NDC80: variants seen among roughly 807,000 people sequenced by gnomAD.
NDC80 encodes the protein kinetochore protein NDC80 homolog.
NDC80 carries 69 observed loss-of-function variants against 89.3 expected under a neutral mutation model. That is an observed-to-expected ratio of 0.77 (90% CI 0.64 to 0.94). The LOEUF (loss-of-function observed/expected upper bound fraction) is 0.94. NDC80 is among the 40% of genes least tolerant of loss of function. NDC80 has a pLI of 0.00. For missense variants in NDC80, 593 were observed against 739.6 expected, an observed-to-expected ratio of 0.80 and a Z score of 2.30; for synonymous variants, 243 against 255.6, an observed-to-expected ratio of 0.95 and a Z score of 0.47.
At chr18:2,593,788 C>T in intron 10 of NDC80, 1 of 247,818 alleles carries the variant, frequency 4.0e-6, no homozygotes, top group South Asian at 5.5e-5. Context: ...TTCCTACAAT[C>T]CACTTATTTG....
chr18:2,601,798 C>T (rs2072685556), intron 13 of NDC80, among the ~76,000 whole-genome samples: 1 of 151,946 alleles, frequency 6.6e-6, no homozygotes, highest in Non-Finnish European at 1.5e-5. Flanking sequence ...AAGTGGCTAC[C>T]TTGAAAGTAG....
chr18:2,598,212 G>T (rs551953384), intron 11 of NDC80, among the ~76,000 whole-genome samples: 1 of 152,104 alleles, frequency 6.6e-6, no homozygotes, highest in Non-Finnish European at 1.5e-5. Flanking sequence ...TTTTATGGAT[G>T]GGTAATAACA....
intron 3 of NDC80, among the ~76,000 whole-genome samples, chr18:2,575,891 C>T (rs1162915313): frequency 6.6e-6 from 1 of 152,204 alleles, no homozygotes; most frequent in Non-Finnish European, 1.5e-5. Context: ...TACCACTGAA[C>T]TCCACCTTGG....
In NDC80 at chr18:2,577,840, A is replaced by G; in HGVS notation, c.274A>G (p.Ile92Val). Residue 92 changes from isoleucine to valine, a missense_variant, in exon 4 of 17, where the codon ATT becomes GTT. Ile to Val is a conservative substitution (Grantham distance 29). Transcript: ENST00000261597. ...GAGACCACTTAATGACAAAGCATTC[A>G]TTCAGCAGTGTATTCGACAACTCTG... ...DPRPLNDKAFIQQCIRQLCEF... is the reference protein window; with the variant it reads ...DPRPLNDKAFVQQCIRQLCEF... 1.2e-6 allele frequency: 2 copies of G among 1,614,164 alleles called. No homozygotes were observed. Among genetic ancestry groups the G allele is most frequent in the South Asian group, 1.1e-5 (1 of 91,086 alleles).
chr18:2,610,325 ACTT>A (rs1167007351), intron 15 of NDC80, among the ~76,000 whole-genome samples: 1 of 152,060 alleles, frequency 6.6e-6, no homozygotes, highest in Non-Finnish European at 1.5e-5. Context: ...ATTTCTCTTC[ACTT>A]CTTTATTTGT....
rs181575869 is a variant in NDC80, at chr18:2,574,783, C to G, written c.102-206C>G. Among the ~76,000 whole-genome samples the G allele has an allele frequency of 3.0e-4, 45 of 152,192 alleles. 1 individual carries two copies. In the East Asian group the frequency reaches 8.5e-3, roughly 29 times the overall value. ...ACACCAGAGGGACCTCTGCTGGTCC[C>G]CCAACATTACAAGCATTATAACTTA... On this transcript the variant is annotated intron_variant, in intron 2 of 16. Transcript: ENST00000261597.
chr18:2,579,061 TG>T, intron 6 of NDC80, 32 bp downstream of exon 6: 1 of 1,326,472 alleles, frequency 7.5e-7, no homozygotes, highest in South Asian at 1.6e-5. Flanking sequence ...AATGTATACA[TG>T]GGAAAGGGTT....
intron 9 of NDC80, among the ~76,000 whole-genome samples, chr18:2,589,601 A>C (rs1449513082): frequency 2.0e-5 from 3 of 152,124 alleles, no homozygotes; most frequent in African/African-American, 7.2e-5. Context: ...TGTGTTATAT[A>C]CCTCTAGGGA....
intron 14 of NDC80, among the ~76,000 whole-genome samples, chr18:2,607,103 T>C (rs2072715994): frequency 6.6e-6 from 1 of 152,204 alleles, no homozygotes; most frequent in Admixed American, 6.5e-5. Flanking sequence ...GTCAACAAAG[T>C]ATTAGGAATT....
chr18:2,583,853 C>T (rs1284232244), intron 6 of NDC80, among the ~76,000 whole-genome samples: 1 of 152,188 alleles, frequency 6.6e-6, no homozygotes, highest in African/African-American at 2.4e-5. Flanking sequence ...GGGCAAACAA[C>T]TCTAGGCTGA....
In NDC80 at chr18:2,607,104, A is replaced by G. The variant is rs1277228255; in HGVS notation, c.1557+597A>G. Among the ~76,000 whole-genome samples the G allele has an allele frequency of 2.0e-5, 3 of 152,216 alleles. No individual in the cohort carries two copies. The East Asian group carries it at 5.8e-4, about 29-fold the overall frequency. ...TATTTTTTACTTATGTCAACAAAGTATTAGGAATTGAAAACTTTTCTCTTT... is the reference window on the plus strand; with the variant it reads ...TATTTTTTACTTATGTCAACAAAGTGTTAGGAATTGAAAACTTTTCTCTTT... On this transcript the variant is annotated intron_variant, in intron 14 of 16. Transcript: ENST00000261597.
chr18:2,580,731 A>ATTTTTCTTTTTTTTTTT (rs2072572896), intron 6 of NDC80, among the ~76,000 whole-genome samples: 1 of 55,418 alleles, frequency 1.8e-5, no homozygotes, highest in Non-Finnish European at 3.5e-5. Flanking sequence ...TCACCATCAG[A>ATTTTTCTTTTTTTTTTT]TTTTTTTTTT....
chr18:2,606,399 A>T lies in NDC80; in HGVS notation c.1465-16A>T. ...TGTATAGTTATGATTTCTCAACCAAAGTTTTATTTCCCCAGTTGAATGCAA... is the reference window on the plus strand; with the variant it reads ...TGTATAGTTATGATTTCTCAACCAATGTTTTATTTCCCCAGTTGAATGCAA... On this transcript the variant is annotated splice_polypyrimidine_tract_variant and intron_variant, in intron 13 of 16. Transcript: ENST00000261597. 6.4e-7 allele frequency: 1 copy of T among 1,561,340 alleles called. No individual in the cohort carries two copies. The highest frequency in any genetic ancestry group is 8.7e-7 in the Non-Finnish European group (1 of 1,149,268).
intron 3 of NDC80, among the ~76,000 whole-genome samples, chr18:2,576,485 A>G (rs2072547005): frequency 6.6e-6 from 1 of 152,196 alleles, no homozygotes; most frequent in African/African-American, 2.4e-5. Flanking sequence ...GCCTCTGGAA[A>G]ACTCCACTGT....
Position 2,572,984 on chromosome 18 carries a change from G to C in NDC80, c.-2G>C. On this transcript the variant is annotated 5_prime_UTR_variant, in exon 2 of 17. Transcript: ENST00000261597. ...CTGAATTCGTGAATGTAGGTCATAA[G>C]CATGAAGCGCAGTTCAGTTTCCAGC... is the stretch of plus-strand genomic sequence containing the variant. 4 of 1,612,728 alleles carry C rather than the reference G, an allele frequency of 2.5e-6. No individual in the cohort carries two copies. Among genetic ancestry groups the C allele is most frequent in the Non-Finnish European group, 3.4e-6 (4 of 1,179,534 alleles).
chr18:2,580,283 G>C (rs2143635112), intron 6 of NDC80, among the ~76,000 whole-genome samples: 2 of 151,458 alleles, frequency 1.3e-5, no homozygotes, highest in East Asian at 3.9e-4. Flanking sequence ...AAATGGTCGA[G>C]TCAGAGAAAT....
chr18:2,589,456 A>G (rs551953319), intron 9 of NDC80, 146 bp downstream of exon 9: 205 of 620,736 alleles, frequency 3.3e-4, no homozygotes, highest in Admixed American at 8.1e-4. Context: ...GAAACTCCCA[A>G]TGAAAACATG....
chr18:2,609,745 A>G (rs995829487), intron 15 of NDC80, among the ~76,000 whole-genome samples: 1 of 152,216 alleles, frequency 6.6e-6, no homozygotes, highest in Non-Finnish European at 1.5e-5. Flanking sequence ...AAATTGCACC[A>G]TCAGTACTGG....
chr18:2,609,435 G>A (rs1462223236), intron 15 of NDC80, among the ~76,000 whole-genome samples: 1 of 152,060 alleles, frequency 6.6e-6, no homozygotes, highest in African/African-American at 2.4e-5. Context: ...GGCCGAGACA[G>A]GAGAATCACT....
Sources: gnomAD v4.1 joint callset for allele counts (sites outside exome capture counted in the v4.1 genomes callset) on GRCh38, gnomAD v4.1.1 for gene constraint, MANE v1.5 for transcripts, NCBI Gene and HGNC (gene_info 2026-07-23, HGNC 2026-07-21) for gene names.